The following CXCL17 variants were observed in gnomAD, a reference collection of about 807,000 sequenced individuals.
CXCL17 encodes the protein C-X-C motif chemokine ligand 17.
CXCL17 carries 9 observed loss-of-function variants against 15.5 expected under a neutral mutation model. The observed-to-expected ratio is 0.58, with a 90% CI of 0.35 to 1.01. The LOEUF (loss-of-function observed/expected upper bound fraction) is 1.01. Ranked by LOEUF, CXCL17 falls within the 50% of genes least tolerant of loss-of-function variation. The probability of loss-of-function intolerance (pLI) is 0.02; values close to 1 mark genes in which losing one functional copy is unlikely to be tolerated. For missense variants in CXCL17, 133 were observed against 138.2 expected, an observed-to-expected ratio of 0.96 and a Z score of 0.19; for synonymous variants, 52 against 52.3, an observed-to-expected ratio of 0.99 and a Z score of 0.02.
At chr19:42,429,782 G>A (rs570138419) in intron 3 of CXCL17, among the ~76,000 whole-genome samples, 23 of 152,114 alleles carry the variant, frequency 1.5e-4, no homozygotes, top group Admixed American at 4.6e-4. Context: ...AGTTTGCTAC[G>A]TATTTTTCCA....
At chr19:42,433,390 A>G (rs754982324) in intron 2 of CXCL17, among the ~76,000 whole-genome samples, 1 of 152,112 alleles carries the variant, frequency 6.6e-6, no homozygotes, top group African/African-American at 2.4e-5. Flanking sequence ...TTCAGTGGCT[A>G]CTTTCCCTTG....
intron 1 of CXCL17, among the ~76,000 whole-genome samples, chr19:42,440,864 T>A (rs7252470): frequency 0.074 from 11,166 of 151,858 alleles, 1,337 homozygotes; most frequent in African/African-American, 0.25. Context: ...CCCTCCGGGG[T>A]CATTTGGCGA....
chr19:42,432,957 T>A lies in CXCL17; in HGVS notation c.262+19A>T. 1 of 1,589,518 alleles carries A rather than the reference T, an allele frequency of 6.3e-7. No individual in the cohort carries two copies. Among genetic ancestry groups the A allele is most frequent in the Non-Finnish European group, 8.6e-7 (1 of 1,157,740 alleles). ...CGGAGTGACTCTGGTATAAGGAAAATCATCCTTTGGAAACTTACTTGTTTT... is the reference window on the plus strand; with the variant it reads ...CGGAGTGACTCTGGTATAAGGAAAAACATCCTTTGGAAACTTACTTGTTTT... On this transcript the variant is annotated intron_variant, in intron 3 of 3. Coordinates refer to ENST00000601181, the MANE Select transcript of CXCL17 (RefSeq NM_198477.3).
At chr19:42,442,688 T>G in intron 1 of CXCL17, 66 bp downstream of exon 1, 2 of 1,115,570 alleles carry the variant, frequency 1.8e-6, no homozygotes, top group Non-Finnish European at 1.4e-6. Context: ...TGCATTTTGA[T>G]GTGTCTGTGG....
intron 1 of CXCL17, among the ~76,000 whole-genome samples, chr19:42,439,774 T>C (rs963442104): frequency 2.0e-5 from 3 of 152,226 alleles, no homozygotes; most frequent in African/African-American, 7.2e-5. Flanking sequence ...GCTAGAACTC[T>C]TCAAAAGTGT....
At chr19:42,436,229 T>A (rs1205473476) in intron 1 of CXCL17, among the ~76,000 whole-genome samples, 2 of 152,230 alleles carry the variant, frequency 1.3e-5, no homozygotes, top group Non-Finnish European at 2.9e-5. Flanking sequence ...AATTCAGGCC[T>A]CCTACTTCCC....
At position 42,433,033 on chromosome 19, in the gene CXCL17, C is replaced by T. The variant is rs1191977246; in HGVS notation, c.205G>A (p.Gly69Arg). 2 of 1,613,992 alleles carry T rather than the reference C, an allele frequency of 1.2e-6. No individual in the cohort carries two copies. Among genetic ancestry groups the T allele is most frequent in the Non-Finnish European group, 8.5e-7 (1 of 1,180,012 alleles). ...APRRKFMTVS[G>R]LPKKQCPCDH... ...CAGGGGCACTGCTTCTTTGGCAGCC[C>T]AGACACTGTCATGAATTTTCTTCTC... Residue 69 changes from glycine (G) to arginine (R), a missense_variant, in exon 3 of 4, where the codon GGG becomes AGG. Gly to Arg is a moderately radical substitution (Grantham distance 125). Transcript: ENST00000601181.
intron 1 of CXCL17, among the ~76,000 whole-genome samples, chr19:42,435,528 T>C (rs1478325848): frequency 1.3e-5 from 2 of 151,882 alleles, no homozygotes; most frequent in African/African-American, 4.8e-5. Context: ...CTGCCTGGTG[T>C]CCTTATAAGA....
chr19:42,433,871 C>G lies in CXCL17; in HGVS notation c.80-15G>C. ...TCTGGCGACCCCTGTCGGAAGGAAA[C>G]AGGTCACATCCAGACACTGGAAAGG... On this transcript the variant is annotated splice_polypyrimidine_tract_variant and intron_variant, in intron 1 of 3. Coordinates refer to ENST00000601181, the MANE Select transcript of CXCL17 (RefSeq NM_198477.3). 1.9e-6 allele frequency: 3 copies of G among 1,606,672 alleles called. No individual in the cohort carries two copies. The highest frequency in any genetic ancestry group is 2.6e-6 in the Non-Finnish European group (3 of 1,173,506).
chr19:42,430,288 A>C (rs1165044836), intron 3 of CXCL17, among the ~76,000 whole-genome samples: 1 of 151,924 alleles, frequency 6.6e-6, no homozygotes, highest in Non-Finnish European at 1.5e-5. Flanking sequence ...TGAAACTACT[A>C]CCTAGGCTTA....
intron 1 of CXCL17, among the ~76,000 whole-genome samples, chr19:42,439,698 G>C (rs2040873082): frequency 6.6e-6 from 1 of 152,176 alleles, no homozygotes; most frequent in African/African-American, 2.4e-5. Context: ...AAGTATTCTT[G>C]CCCAAAATGT....
intron 1 of CXCL17, among the ~76,000 whole-genome samples, chr19:42,438,381 A>AATATTTATATATAT: frequency 1.6e-5 from 1 of 63,852 alleles, no homozygotes; most frequent in South Asian, 6.8e-4. Context: ...AAAAAAAAAA[A>AATATTTATATATAT]ATATATATAT....
intron 1 of CXCL17, among the ~76,000 whole-genome samples, chr19:42,436,494 TTTCAG>T (rs1462648212): frequency 6.6e-6 from 1 of 152,202 alleles, no homozygotes; most frequent in African/African-American, 2.4e-5. Context: ...TTTTTTTTTT[TTTCAG>T]TCTAAATGTA....
intron 1 of CXCL17, among the ~76,000 whole-genome samples, chr19:42,436,543 A>T (rs1177690601): frequency 6.6e-6 from 1 of 152,132 alleles, no homozygotes. Context: ...GAAAGTACAA[A>T]CAGAGAAATT....
intron 1 of CXCL17, among the ~76,000 whole-genome samples, chr19:42,435,624 G>A (rs920020350): frequency 2.6e-5 from 4 of 152,048 alleles, no homozygotes; most frequent in African/African-American, 9.7e-5. Flanking sequence ...CAGGTCAGGA[G>A]TTTGAGACCA....
intron 1 of CXCL17, among the ~76,000 whole-genome samples, chr19:42,438,381 A>AAAAAAAAATATATATATATATAT (rs1555793041): frequency 1.6e-5 from 1 of 63,846 alleles, no homozygotes; most frequent in African/African-American, 7.6e-5. Flanking sequence ...AAAAAAAAAA[A>AAAAAAAAATATATATATATATAT]ATATATATAT....
chr19:42,441,195 G>C (rs962491504), intron 1 of CXCL17, among the ~76,000 whole-genome samples: 31 of 152,182 alleles, frequency 2.0e-4, no homozygotes, highest in African/African-American at 7.2e-4. Context: ...GACAGGGGGT[G>C]GGGGCAGGAA....
intron 1 of CXCL17, among the ~76,000 whole-genome samples, chr19:42,442,186 G>A (rs138634206): frequency 1.3e-5 from 2 of 152,014 alleles, no homozygotes; most frequent in Admixed American, 1.3e-4. Context: ...TGTGTGTGAG[G>A]GGGATCAGCT....
In CXCL17 at chr19:42,437,623, C is replaced by T. The variant is rs116911735; in HGVS notation, c.80-3767G>A. ...CTGCTGTGGGAGCCCAGTGTCCAGG[C>T]GGGTGTTGAGTACATGATGGTTATC... On this transcript the variant is annotated intron_variant, in intron 1 of 3. Transcript: ENST00000601181. Among the ~76,000 whole-genome samples, 895 of 152,186 alleles carry T rather than the reference C, an allele frequency of 5.9e-3. 2 individuals are homozygous for T. Among genetic ancestry groups the T allele is most frequent in the Non-Finnish European group, 9.9e-3 (674 of 68,008 alleles).
Sources: allele counts gnomAD v4.1 joint callset (sites outside exome capture counted in the v4.1 genomes callset), GRCh38; gene constraint gnomAD v4.1.1; transcripts MANE v1.5; gene names NCBI Gene and HGNC (gene_info 2026-07-23, HGNC 2026-07-21).